The following EFR3A variants were observed in gnomAD, a reference collection of about 807,000 sequenced individuals.
The protein encoded by EFR3A is protein EFR3 homolog A.
In EFR3A, 76 loss-of-function variants were observed where a neutral mutation model predicts 104.4. The ratio of observed to expected loss-of-function variants is 0.73; its 90% CI spans 0.60 to 0.88. EFR3A has a LOEUF of 0.88. Among genes scored for constraint, EFR3A ranks in the 40% least tolerant of loss-of-function variants. EFR3A has a pLI of 0.00. For synonymous variants in EFR3A, 330 were observed against 330.0 expected, an observed-to-expected ratio of 1.00 and a Z score of 0.00; for missense variants, 985 against 1,012.5, an observed-to-expected ratio of 0.97 and a Z score of 0.37.
chr8:132,006,227 CAATG>C (rs1822044173), intron 22 of EFR3A, among the ~76,000 whole-genome samples: 1 of 151,820 alleles, frequency 6.6e-6, no homozygotes, highest in Non-Finnish European at 1.5e-5. Flanking sequence ...TATCAGAAGT[CAATG>C]AAACAGAAAA....
intron 1 of EFR3A, among the ~76,000 whole-genome samples, chr8:131,927,949 C>T (rs1001167479): frequency 6.6e-6 from 1 of 152,124 alleles, no homozygotes; most frequent in Non-Finnish European, 1.5e-5. Context: ...TTTAGAACTT[C>T]CTGTTCATCA....
intron 8 of EFR3A, among the ~76,000 whole-genome samples, chr8:131,964,602 G>C (rs1272933851): frequency 2.0e-5 from 3 of 152,288 alleles, no homozygotes. Context: ...AACATTCCAT[G>C]CTCATGGTAG....
intron 8 of EFR3A, among the ~76,000 whole-genome samples, chr8:131,960,679 C>T (rs1350389923): frequency 6.6e-6 from 1 of 152,168 alleles, no homozygotes; most frequent in African/African-American, 2.4e-5. Flanking sequence ...AACAAACAAA[C>T]TGGTCTTGAC....
chr8:131,925,267 A>G (rs1489725559), intron 1 of EFR3A, among the ~76,000 whole-genome samples: 1 of 152,176 alleles, frequency 6.6e-6, no homozygotes, highest in Non-Finnish European at 1.5e-5. Context: ...GCATTTTGTA[A>G]CTAAAATAAT....
At chr8:131,910,492 T>C (rs1368436086) in intron 1 of EFR3A, among the ~76,000 whole-genome samples, 39 of 152,134 alleles carry the variant, frequency 2.6e-4, no homozygotes, top group Non-Finnish European at 1.5e-5. Flanking sequence ...AGCATGGTCT[T>C]GAACTCCCAA....
intron 9 of EFR3A, 34 bp downstream of exon 9, chr8:131,968,464 T>A: frequency 6.2e-7 from 1 of 1,606,780 alleles, no homozygotes; most frequent in Non-Finnish European, 8.5e-7. Context: ...AATAGTGCGT[T>A]GATCTGGTTC....
At position 131,978,995 on chromosome 8, in the gene EFR3A, A is replaced by G; in HGVS notation, c.1475A>G (p.Asn492Ser). The G allele has an allele frequency of 1.9e-6, 3 of 1,611,042 alleles. No individual in the cohort carries two copies. Among genetic ancestry groups the G allele is most frequent in the Non-Finnish European group, 2.5e-6 (3 of 1,178,610 alleles). The change falls in exon 13 of 23, where the codon AAT becomes AGT. Residue 492 changes from asparagine to serine, a missense_variant. Transcript: ENST00000254624. ...CATAATCTCATGGATCGTCATGACA[A>G]TAGGGCAAAGCTTCGAGGGATCAGG... ...VMHNLMDRHD[N>S]RAKLRGIRII...
intron 1 of EFR3A, among the ~76,000 whole-genome samples, chr8:131,908,708 C>G (rs1468679975): frequency 1.3e-5 from 2 of 152,054 alleles, no homozygotes. Flanking sequence ...TTTTTTCATA[C>G]TATAGTGCTC....
chr8:131,904,230 G>T lies in EFR3A; in HGVS notation c.-83G>T. 2.4e-5 allele frequency: 30 copies of T among 1,264,308 alleles called. No homozygotes were observed. The highest frequency in any genetic ancestry group is 3.0e-5 in the Non-Finnish European group (30 of 1,001,660). 78.3% of individuals were successfully genotyped at this position (1,264,308 alleles called of 1,614,324 possible). On this transcript the variant is annotated 5_prime_UTR_variant, in exon 1 of 23. Transcript: ENST00000254624. ...GCCTCGTTCCGGCCTCCGCGGCCCA[G>T]CAACGGCCGTCATGGTGCCGTCGGC... is the stretch of plus-strand genomic sequence containing the variant.
At chr8:132,000,152 G>A (rs979087377) in intron 19 of EFR3A, among the ~76,000 whole-genome samples, 4 of 151,960 alleles carry the variant, frequency 2.6e-5, no homozygotes, top group African/African-American at 7.3e-5. Flanking sequence ...TTTTTGAGAC[G>A]GAGTCTTGTT....
intron 10 of EFR3A, among the ~76,000 whole-genome samples, chr8:131,972,089 C>G (rs1451854858): frequency 6.6e-6 from 1 of 152,018 alleles, no homozygotes; most frequent in East Asian, 1.9e-4. Context: ...CCTTTTCTAC[C>G]TTTCTATGTA....
chr8:131,961,282 G>A (rs1021689319), intron 8 of EFR3A, among the ~76,000 whole-genome samples: 5 of 151,902 alleles, frequency 3.3e-5, no homozygotes, highest in African/African-American at 4.8e-5. Context: ...GGGGAAGTTC[G>A]AACCCATGGC....
intron 1 of EFR3A, among the ~76,000 whole-genome samples, chr8:131,922,534 C>T (rs913301372): frequency 1.3e-5 from 2 of 152,146 alleles, no homozygotes; most frequent in Admixed American, 6.5e-5. Context: ...TCAACCTTTA[C>T]TGGGGTTAGG....
chr8:131,989,231 A>G (rs1282114375), intron 18 of EFR3A, among the ~76,000 whole-genome samples: 2 of 152,204 alleles, frequency 1.3e-5, no homozygotes, highest in Non-Finnish European at 1.5e-5. Flanking sequence ...TTTATGGGAT[A>G]CTGAATCTGT....
chr8:131,987,713 G>A lies in EFR3A; in HGVS notation c.2065+11G>A. The A allele has an allele frequency of 6.3e-7, 1 of 1,574,936 alleles. No individual in the cohort carries two copies. The highest frequency in any genetic ancestry group is 8.6e-7 in the Non-Finnish European group (1 of 1,161,044). ...TACCACAAGTAACAGGTAAGAGGAG[G>A]ATAATTAGAACTTTCACTCTGGTGA... On this transcript the variant is annotated intron_variant, in intron 18 of 22. Transcript: ENST00000254624.
At chr8:131,913,755 G>GCTGTGGTT (rs1816629606) in intron 1 of EFR3A, among the ~76,000 whole-genome samples, 1 of 152,074 alleles carries the variant, frequency 6.6e-6, no homozygotes, top group African/African-American at 2.4e-5. Context: ...AAGTTCCCTT[G>GCTGTGGTT]ATGTGGTTAC....
chr8:131,907,509 C>T (rs1302026392), intron 1 of EFR3A, among the ~76,000 whole-genome samples: 1 of 152,194 alleles, frequency 6.6e-6, no homozygotes, highest in Non-Finnish European at 1.5e-5. Flanking sequence ...CATTTAGGTA[C>T]TGACGTTGAG....
intron 10 of EFR3A, among the ~76,000 whole-genome samples, chr8:131,974,205 G>T (rs1820212957): frequency 6.6e-6 from 1 of 152,136 alleles, no homozygotes; most frequent in Non-Finnish European, 1.5e-5. Flanking sequence ...AGCTCCCCTA[G>T]GTAATTATAA....
chr8:131,941,716 G>A (rs999412634), intron 2 of EFR3A, among the ~76,000 whole-genome samples: 1 of 152,090 alleles, frequency 6.6e-6, no homozygotes, highest in African/African-American at 2.4e-5. Context: ...ATCACTGTGG[G>A]TTGGGAACCT....
Sources: allele counts gnomAD v4.1 joint callset (sites outside exome capture counted in the v4.1 genomes callset), GRCh38; gene constraint gnomAD v4.1.1; transcripts MANE v1.5; gene names NCBI Gene and HGNC (gene_info 2026-07-23, HGNC 2026-07-21).